The following LARGE1 variants were observed in gnomAD, a reference collection of about 807,000 sequenced individuals.
The protein encoded by LARGE1 is LARGE xylosyl- and glucuronyltransferase 1, also known as xylosyl- and glucuronyltransferase LARGE1.
LARGE1 carries 43 observed loss-of-function variants against 87.6 expected under a neutral mutation model. The ratio of observed to expected loss-of-function variants is 0.49; its 90% CI spans 0.38 to 0.63. LARGE1 has a LOEUF of 0.63. Among genes scored for constraint, LARGE1 ranks in the 30% least tolerant of loss-of-function variants. The pLI is 0.00. For synonymous variants in LARGE1, 434 were observed against 394.6 expected (o/e 1.10, Z -1.18); for missense variants, 802 against 1,000.2 (o/e 0.80, Z 2.67).
chr22:33,298,478 G>C (rs1401954668), intron 12 of LARGE1, among the ~76,000 whole-genome samples: 1 of 152,196 alleles, frequency 6.6e-6, no homozygotes, highest in Non-Finnish European at 1.5e-5. Flanking sequence ...GATAAAACAA[G>C]TTAGAGAAGT....
At chr22:33,378,209 A>AAATTTTT in intron 9 of LARGE1, among the ~76,000 whole-genome samples, 1 of 152,334 alleles carries the variant, frequency 6.6e-6, no homozygotes, top group South Asian at 2.1e-4. Flanking sequence ...AGTGCCTGGC[A>AAATTTTT]AATTTTTAAT....
At chr22:33,459,256 C>A (rs991710264) in intron 6 of LARGE1, among the ~76,000 whole-genome samples, 5 of 152,064 alleles carry the variant, frequency 3.3e-5, no homozygotes, top group Admixed American at 6.6e-5. Context: ...GCAGTGAAAT[C>A]CTTGTCATGC....
intron 11 of LARGE1, among the ~76,000 whole-genome samples, chr22:33,193,175 G>C (rs1923878838): frequency 6.6e-6 from 1 of 152,060 alleles, no homozygotes; most frequent in Non-Finnish European, 1.5e-5. Context: ...AAGAGTGTGG[G>C]TAGACAAAGG....
intron 2 of LARGE1, among the ~76,000 whole-genome samples, chr22:33,698,625 C>T (rs999002879): frequency 1.2e-4 from 18 of 152,250 alleles, no homozygotes; most frequent in Admixed American, 1.0e-3. Flanking sequence ...TAGCTTAGAA[C>T]TCAAAGATCT....
At chr22:33,505,312 G>A (rs1326142534) in intron 6 of LARGE1, among the ~76,000 whole-genome samples, 1 of 152,234 alleles carries the variant, frequency 6.6e-6, no homozygotes, top group Non-Finnish European at 1.5e-5. Context: ...GCTTTGAACT[G>A]TCAGGTTTGC....
intron 10 of LARGE1, among the ~76,000 whole-genome samples, chr22:33,328,108 T>C (rs1937398846): frequency 6.6e-6 from 1 of 151,836 alleles, no homozygotes; most frequent in Non-Finnish European, 1.5e-5. Flanking sequence ...TGGAGAAAAA[T>C]GAAGGAGCCC....
the LARGE1 span, among the ~76,000 whole-genome samples, chr22:33,111,345 C>A: frequency 6.6e-6 from 1 of 152,150 alleles, no homozygotes; most frequent in African/African-American, 2.4e-5. Context: ...CCCAGCTAAC[C>A]CTTTGTTGCT....
At chr22:33,814,724 A>ATGTGTG (rs5845113) in intron 1 of LARGE1, among the ~76,000 whole-genome samples, 73 of 150,700 alleles carry the variant, frequency 4.8e-4, no homozygotes, top group East Asian at 2.0e-4. Flanking sequence ...ATCAAGGTAT[A>ATGTGTG]TGTGTGTGTG....
At chr22:33,747,426 C>T (rs2084130696) in intron 2 of LARGE1, among the ~76,000 whole-genome samples, 1 of 152,134 alleles carries the variant, frequency 6.6e-6, no homozygotes, top group Non-Finnish European at 1.5e-5. Context: ...CACTCTCCAT[C>T]TCTTGCTCTT....
chr22:33,793,791 T>G (rs1296693578), intron 1 of LARGE1, among the ~76,000 whole-genome samples: 1 of 151,666 alleles, frequency 6.6e-6, no homozygotes, highest in Non-Finnish European at 1.5e-5. Flanking sequence ...CCCCCAACTT[T>G]TTTTTTTTCA....
Position 33,739,552 on chromosome 22 carries a change from A to C in LARGE1, c.106+21819T>G, listed in dbSNP as rs542177617. 3.9e-5 allele frequency among the ~76,000 whole-genome samples: 6 copies of C among 152,262 alleles called. No homozygotes were observed. The South Asian group carries it at 1.2e-3, about 32-fold the overall frequency. ...TTTTTCCCCTTCTCTCCCTCTCCTG[A>C]CAGTGGTCTTCAATAACAGCCTGTG... is the stretch of plus-strand genomic sequence containing the variant. On this transcript the variant is annotated intron_variant, in intron 2 of 14. Coordinates refer to ENST00000397394, the MANE Select transcript of LARGE1 (RefSeq NM_133642.5).
intron 7 of LARGE1, among the ~76,000 whole-genome samples, chr22:33,407,315 G>C (rs2066137199): frequency 1.3e-5 from 2 of 152,164 alleles, no homozygotes; most frequent in East Asian, 1.9e-4. Flanking sequence ...GTGCACCACT[G>C]TGCCCAGCAG....
At chr22:33,172,010 G>A (rs543105780) in intron 11 of LARGE1, among the ~76,000 whole-genome samples, 1 of 152,242 alleles carries the variant, frequency 6.6e-6, no homozygotes, top group Non-Finnish European at 1.5e-5. Flanking sequence ...CAGGGGCATA[G>A]GTGCCCAAGA....
At chr22:33,117,252 G>A in the LARGE1 span, among the ~76,000 whole-genome samples, 3 of 152,148 alleles carry the variant, frequency 2.0e-5, no homozygotes, top group African/African-American at 7.2e-5. Flanking sequence ...AGAGATTCTG[G>A]GATATGTGGC....
intron 6 of LARGE1, among the ~76,000 whole-genome samples, chr22:33,529,340 TG>T (rs1226551382): frequency 6.6e-6 from 1 of 152,170 alleles, no homozygotes; most frequent in Non-Finnish European, 1.5e-5. Context: ...TAGTTGTGAC[TG>T]GGGTGCATCA....
At chr22:33,342,891 T>A (rs113877068) in intron 9 of LARGE1, among the ~76,000 whole-genome samples, 126 of 152,298 alleles carry the variant, frequency 8.3e-4, no homozygotes, top group African/African-American at 2.9e-3. Flanking sequence ...AAAAATCTGT[T>A]AAGGTATATT....
At chr22:33,213,297 T>C (rs1417193603) in intron 11 of LARGE1, among the ~76,000 whole-genome samples, 6 of 152,218 alleles carry the variant, frequency 3.9e-5, no homozygotes, top group Non-Finnish European at 7.3e-5. Flanking sequence ...AGATAAAATC[T>C]ACCCATGGTG....
the LARGE1 span, among the ~76,000 whole-genome samples, chr22:33,101,380 A>G: frequency 1.3e-5 from 2 of 152,238 alleles, no homozygotes. Flanking sequence ...AACAGGGAAA[A>G]TAATAATATC....
intron 1 of LARGE1, among the ~76,000 whole-genome samples, chr22:33,834,313 C>T (rs1293381772): frequency 1.3e-5 from 2 of 152,148 alleles, no homozygotes; most frequent in Non-Finnish European, 2.9e-5. Context: ...CAAGCTAAGC[C>T]ATCATATCCC....
Sources: gnomAD v4.1 joint callset for allele counts (sites outside exome capture counted in the v4.1 genomes callset) on GRCh38, gnomAD v4.1.1 for gene constraint, MANE v1.5 for transcripts, NCBI Gene and HGNC (gene_info 2026-07-23, HGNC 2026-07-21) for gene names.